DENND1A: variants seen among roughly 807,000 people sequenced by gnomAD.
DENND1A encodes the protein DENN domain containing 1A.
A neutral mutation model predicts 113.7 loss-of-function variants in DENND1A; 51 were observed. The ratio of observed to expected loss-of-function variants is 0.45; its 90% CI spans 0.36 to 0.57. The LOEUF is 0.57. Among genes scored for constraint, DENND1A ranks in the 20% least tolerant of loss-of-function variants. The pLI, the probability that DENND1A is intolerant of heterozygous loss-of-function variation, is 0.00. For synonymous variants in DENND1A, 565 were observed against 570.8 expected, an observed-to-expected ratio of 0.99 and a Z score of 0.14; for missense variants, 1,258 against 1,395.9, an observed-to-expected ratio of 0.90 and a Z score of 1.57.
rs529769037 is a variant in DENND1A, at chr9:123,424,237, C to T, written c.1489-12408G>A. 2.5e-3 allele frequency among the ~76,000 whole-genome samples: 377 copies of T among 152,302 alleles called. 4 individuals are homozygous for T. The highest frequency in any genetic ancestry group is 8.1e-3 in the African/African-American group (338 of 41,572). ...TGAGGGAGGGTGTCCATCAATCCTG[C>T]ACACCCCAAGGGACATCCCTTCCTC... On this transcript the variant is annotated intron_variant, in intron 19 of 23. Transcript: ENST00000394215.
At chr9:123,857,873 C>T (rs879843322) in intron 2 of DENND1A, among the ~76,000 whole-genome samples, 14 of 151,928 alleles carry the variant, frequency 9.2e-5, no homozygotes, top group Non-Finnish European at 1.8e-4. Flanking sequence ...TCCTGGCTAA[C>T]ACAGTGAAAC....
At chr9:123,829,752 A>G (rs918413427) in intron 2 of DENND1A, among the ~76,000 whole-genome samples, 9 of 152,182 alleles carry the variant, frequency 5.9e-5, no homozygotes, top group African/African-American at 2.2e-4. Context: ...GGAGAAAACT[A>G]CAAGCTCTTA....
intron 12 of DENND1A, among the ~76,000 whole-genome samples, chr9:123,577,638 G>C (rs369626509): frequency 7.2e-4 from 110 of 151,894 alleles, no homozygotes; most frequent in African/African-American, 2.5e-3. Flanking sequence ...TAGATTTCTT[G>C]CACATCAGAT....
intron 11 of DENND1A, among the ~76,000 whole-genome samples, chr9:123,590,887 G>A (rs969918322): frequency 1.3e-5 from 2 of 152,158 alleles, no homozygotes; most frequent in African/African-American, 4.8e-5. Flanking sequence ...GTAAGAGTGT[G>A]CGAACAATGG....
chr9:123,508,193 G>C (rs2053137113), intron 13 of DENND1A, among the ~76,000 whole-genome samples: 1 of 152,208 alleles, frequency 6.6e-6, no homozygotes, highest in South Asian at 2.1e-4. Context: ...AACTGGAAAA[G>C]TAGCAAAAGT....
At chr9:123,807,108 C>T (rs1215463929) in intron 2 of DENND1A, among the ~76,000 whole-genome samples, 1 of 152,168 alleles carries the variant, frequency 6.6e-6, no homozygotes, top group Non-Finnish European at 1.5e-5. Context: ...ATTTATCATA[C>T]TGTAATAGCA....
At chr9:123,462,806 A>T (rs2133105091) in intron 13 of DENND1A, among the ~76,000 whole-genome samples, 1 of 152,246 alleles carries the variant, frequency 6.6e-6, no homozygotes, top group South Asian at 2.1e-4. Context: ...TCAAAAAATA[A>T]AAACAACAAA....
chr9:123,833,074 A>G (rs1840495053), intron 2 of DENND1A, among the ~76,000 whole-genome samples: 1 of 132,506 alleles, frequency 7.5e-6, no homozygotes, highest in African/African-American at 2.8e-5. Context: ...ACAGTGTGCT[A>G]TGATTGCGCC....
Position 123,674,354 on chromosome 9 carries a change from A to T in DENND1A, c.372+2366T>A, listed in dbSNP as rs1315088936. Among the ~76,000 whole-genome samples the T allele has an allele frequency of 4.9e-3, 509 of 104,206 alleles. 4 individuals are homozygous for T. Among genetic ancestry groups the T allele is most frequent in the African/African-American group, 9.9e-3 (214 of 21,518 alleles). The allele number at this position is 104,206 out of a possible 152,430, so 68.4% of individuals were successfully genotyped here. A position where few individuals can be genotyped will look rare whatever the true frequency, so the allele number is the denominator to read the frequency against. The stretch of plus-strand genomic sequence containing the variant: ...CTCTGTCTCTCTCTCACACACACAC[A>T]CACACACACACACACACACACACAC... On this transcript the variant is annotated intron_variant, in intron 6 of 23. Coordinates refer to ENST00000394215, the MANE Select transcript of DENND1A (RefSeq NM_001352964.2).
At chr9:123,905,078 C>G (rs1284328117) in intron 1 of DENND1A, among the ~76,000 whole-genome samples, 1 of 151,818 alleles carries the variant, frequency 6.6e-6, no homozygotes, top group Non-Finnish European at 1.5e-5. Flanking sequence ...AAAGAATTTT[C>G]AACCCAGAAT....
At chr9:123,440,596 T>A (rs1588540615) in intron 18 of DENND1A, 105 bp from the exon 19 acceptor site, 1 of 1,381,242 alleles carries the variant, frequency 7.2e-7, no homozygotes, top group East Asian at 2.8e-5. Flanking sequence ...TCCGTGACAT[T>A]CTGAGCCTGA....
chr9:123,718,178 CT>C (rs2067105096), intron 5 of DENND1A, among the ~76,000 whole-genome samples: 1 of 152,228 alleles, frequency 6.6e-6, no homozygotes, highest in Non-Finnish European at 1.5e-5. Context: ...TGGCTATTTG[CT>C]CTTTATAGCT....
chr9:123,610,693 G>A (rs1288617044), intron 10 of DENND1A, among the ~76,000 whole-genome samples: 1 of 152,212 alleles, frequency 6.6e-6, no homozygotes, highest in Non-Finnish European at 1.5e-5. Flanking sequence ...TCAGACTGGG[G>A]TGAACAGGTA....
chr9:123,545,581 C>G (rs1203388232), intron 13 of DENND1A, among the ~76,000 whole-genome samples: 1 of 152,070 alleles, frequency 6.6e-6, no homozygotes, highest in Non-Finnish European at 1.5e-5. Flanking sequence ...ATTCTCCTGC[C>G]TCAGCCTCCT....
At chr9:123,487,307 G>T (rs2808394) in intron 13 of DENND1A, among the ~76,000 whole-genome samples, 1 of 152,198 alleles carries the variant, frequency 6.6e-6, no homozygotes, top group Non-Finnish European at 1.5e-5. Context: ...TCAAGGGAAG[G>T]CAAGCCAGGG....
intron 12 of DENND1A, among the ~76,000 whole-genome samples, chr9:123,579,855 A>G (rs2058804877): frequency 6.6e-6 from 1 of 152,214 alleles, no homozygotes; most frequent in Admixed American, 6.5e-5. Context: ...AATACCTTAC[A>G]GACCACATCT....
At chr9:123,745,969 C>T (rs2069464560) in intron 5 of DENND1A, among the ~76,000 whole-genome samples, 1 of 152,144 alleles carries the variant, frequency 6.6e-6, no homozygotes, top group South Asian at 2.1e-4. Context: ...CATAATGCAA[C>T]TCACAGAGTT....
chr9:123,589,254 A>G (rs1344138158), intron 11 of DENND1A, among the ~76,000 whole-genome samples: 1 of 152,142 alleles, frequency 6.6e-6, no homozygotes, highest in East Asian at 1.9e-4. Flanking sequence ...TGTATATAAT[A>G]TCGTCATGAA....
At chr9:123,654,086 A>G (rs2062809772) in intron 8 of DENND1A, among the ~76,000 whole-genome samples, 1 of 152,168 alleles carries the variant, frequency 6.6e-6, no homozygotes, top group South Asian at 2.1e-4. Flanking sequence ...AGGCAGTCGG[A>G]AGGAGTCAAC....
Sources: allele counts gnomAD v4.1 joint callset (sites outside exome capture counted in the v4.1 genomes callset), GRCh38; gene constraint gnomAD v4.1.1; transcripts MANE v1.5; gene names NCBI Gene and HGNC (gene_info 2026-07-23, HGNC 2026-07-21).